The following KCNK2 variants were observed in gnomAD, a reference collection of about 807,000 sequenced individuals.
The protein encoded by KCNK2 is potassium two pore domain channel subfamily K member 2, also known as potassium channel subfamily K member 2.
A neutral mutation model predicts 40.5 loss-of-function variants in KCNK2; 21 were observed. The ratio of observed to expected loss-of-function variants is 0.52; its 90% confidence interval spans 0.37 to 0.75. The LOEUF (loss-of-function observed/expected upper bound fraction) is 0.75, where lower values mean the gene tolerates loss of function less well. Among genes scored for constraint, KCNK2 ranks in the 30% least tolerant of loss-of-function variants. The pLI is 0.00. For synonymous variants in KCNK2, 191 were observed against 202.2 expected (o/e 0.94, Z 0.47); for missense variants, 399 against 531.6 (o/e 0.75, Z 2.45).
chr1:215,208,943 T>A (rs1441848431), intron 6 of KCNK2, among the ~76,000 whole-genome samples: 3 of 151,896 alleles, frequency 2.0e-5, no homozygotes, highest in Admixed American at 6.6e-5. Flanking sequence ...TTCTCCTGTC[T>A]CGGCATGCAT....
chr1:215,232,498 T>C (rs187818065), intron 6 of KCNK2, among the ~76,000 whole-genome samples: 1 of 152,260 alleles, frequency 6.6e-6, no homozygotes, highest in African/African-American at 2.4e-5. Context: ...TGTTATGAGA[T>C]TACAGAGTAT....
chr1:215,056,499 CAAAAAAAAAAA>C (rs376076606), intron 1 of KCNK2, among the ~76,000 whole-genome samples: 1 of 55,176 alleles, frequency 1.8e-5, no homozygotes, highest in Non-Finnish European at 3.1e-5. Context: ...GACTCAGTCT[CAAAAAAAAAAA>C]AAAAAAAAAA....
At chr1:215,123,791 C>T (rs57440894) in intron 2 of KCNK2, among the ~76,000 whole-genome samples, 7,501 of 152,192 alleles carry the variant, frequency 0.049, 205 homozygotes, top group Middle Eastern at 0.13. Context: ...AAACATCATC[C>T]TCTGTAATCT....
upstream of KCNK2, among the ~76,000 whole-genome samples, chr1:215,079,975 G>A (rs996888591): frequency 6.6e-6 from 1 of 152,070 alleles, no homozygotes; most frequent in African/African-American, 2.4e-5. Flanking sequence ...ATCTCTGTAA[G>A]TTACATCACT....
chr1:215,045,186 AAAAC>A (rs1396885877), intron 1 of KCNK2, among the ~76,000 whole-genome samples: 20 of 132,640 alleles, frequency 1.5e-4, no homozygotes, highest in Non-Finnish European at 2.1e-4. Context: ...TCCGTCTCAA[AAAAC>A]AAACAAACAA....
At chr1:215,068,950 A>G (rs758646134) in intron 1 of KCNK2, among the ~76,000 whole-genome samples, 5 of 152,234 alleles carry the variant, frequency 3.3e-5, no homozygotes, top group Non-Finnish European at 7.3e-5. Flanking sequence ...ATCAGTGTCC[A>G]GAAAACAACA....
At chr1:215,067,654 A>T (rs1282176480) in intron 1 of KCNK2, among the ~76,000 whole-genome samples, 1 of 152,138 alleles carries the variant, frequency 6.6e-6, no homozygotes, top group Non-Finnish European at 1.5e-5. Context: ...ACCTGAGGAC[A>T]GGAGTTCAAG....
chr1:215,095,650 C>A lies in KCNK2; in HGVS notation c.357+8972C>A, dbSNP rs985035085. The stretch of plus-strand genomic sequence containing the variant: ...CTTTAGAAGCGATGTTATGGGGTTG[C>A]GTTTTTTTCACCCCAGGCTCCTGTT... On this transcript the variant is annotated intron_variant, in intron 2 of 6. Transcript: ENST00000444842. Among the ~76,000 whole-genome samples, 9 of 152,124 alleles carry A rather than the reference C, an allele frequency of 5.9e-5. No individual in the cohort carries two copies. The East Asian group carries it at 9.7e-4, about 16-fold the overall frequency.
intron 1 of KCNK2, among the ~76,000 whole-genome samples, chr1:215,071,068 C>T (rs563710406): frequency 8.5e-5 from 13 of 152,284 alleles, no homozygotes; most frequent in African/African-American, 1.9e-4. Context: ...TAATTTTCCT[C>T]ATCATATCTT....
intron 3 of KCNK2, among the ~76,000 whole-genome samples, chr1:215,142,997 C>A (rs998189057): frequency 6.6e-6 from 1 of 152,014 alleles, no homozygotes; most frequent in African/African-American, 2.4e-5. Flanking sequence ...CAAGGGTGGG[C>A]CTTCTCATAA....
At chr1:215,091,767 G>T (rs1186240874) in intron 2 of KCNK2, among the ~76,000 whole-genome samples, 1 of 152,150 alleles carries the variant, frequency 6.6e-6, no homozygotes, top group Non-Finnish European at 1.5e-5. Flanking sequence ...TCACTAATAA[G>T]GTGACTTTTA....
intron 2 of KCNK2, among the ~76,000 whole-genome samples, chr1:215,109,930 A>G (rs942019359): frequency 2.6e-5 from 4 of 152,040 alleles, no homozygotes; most frequent in African/African-American, 4.8e-5. Context: ...CTGTAAGAGT[A>G]TATCTCATTG....
intron 1 of KCNK2, among the ~76,000 whole-genome samples, chr1:215,037,204 T>C (rs541266276): frequency 6.6e-6 from 1 of 152,028 alleles, no homozygotes; most frequent in East Asian, 1.9e-4. Context: ...ATTTATCTGG[T>C]TTAGAAAATT....
intron 5 of KCNK2, among the ~76,000 whole-genome samples, chr1:215,173,299 T>A (rs1195447549): frequency 6.6e-6 from 1 of 152,208 alleles, no homozygotes; most frequent in East Asian, 1.9e-4. Context: ...GGACATGAAC[T>A]CATCCTCTTT....
intron 3 of KCNK2, among the ~76,000 whole-genome samples, chr1:215,125,227 T>TA (rs920629157): frequency 1.3e-5 from 2 of 151,870 alleles, no homozygotes; most frequent in Admixed American, 6.6e-5. Flanking sequence ...GCTTTTTTTT[T>TA]ATATACATTA....
intron 2 of KCNK2, among the ~76,000 whole-genome samples, chr1:215,120,633 T>A (rs1661148036): frequency 6.6e-6 from 1 of 152,168 alleles, no homozygotes; most frequent in African/African-American, 2.4e-5. Context: ...TCCATGTTTA[T>A]TAACTGTGAA....
intron 1 of KCNK2, among the ~76,000 whole-genome samples, chr1:215,013,301 A>G (rs935600597): frequency 3.3e-5 from 5 of 152,306 alleles, no homozygotes; most frequent in Admixed American, 6.5e-5. Flanking sequence ...CCTGTATACC[A>G]TAATTTAGTA....
At chr1:215,088,632 G>A (rs529627882) in intron 2 of KCNK2, among the ~76,000 whole-genome samples, 23 of 151,302 alleles carry the variant, frequency 1.5e-4, no homozygotes, top group African/African-American at 5.1e-4. Flanking sequence ...GAAATTATGT[G>A]TGAATTTGAA....
intron 1 of KCNK2, among the ~76,000 whole-genome samples, chr1:215,059,420 C>T (rs1053441056): frequency 7.2e-6 from 1 of 139,612 alleles, no homozygotes; most frequent in East Asian, 2.1e-4. Context: ...CTTCCGAGTG[C>T]TCCCTTAATT....
Sources: allele counts gnomAD v4.1 joint callset (sites outside exome capture counted in the v4.1 genomes callset), GRCh38; gene constraint gnomAD v4.1.1; transcripts MANE v1.5; gene names NCBI Gene and HGNC (gene_info 2026-07-23, HGNC 2026-07-21).